The following CSNK2A2 variants were observed in gnomAD, a reference collection of about 807,000 sequenced individuals.
The protein encoded by CSNK2A2 is casein kinase II subunit alpha'.
A neutral mutation model predicts 54.0 loss-of-function variants in CSNK2A2; 8 were observed. The observed-to-expected ratio is 0.15, with a 90% CI of 0.09 to 0.27. The LOEUF is 0.27. Ranked by LOEUF, CSNK2A2 falls within the 10% of genes least tolerant of loss-of-function variation. The pLI, the probability that CSNK2A2 is intolerant of heterozygous loss-of-function variation, is 1.00. For missense variants in CSNK2A2, 242 were observed against 439.4 expected (o/e 0.55, Z 4.02); for synonymous variants, 141 against 153.9 (o/e 0.92, Z 0.62).
chr16:58,187,398 C>T (rs1597123044), intron 2 of CSNK2A2, among the ~76,000 whole-genome samples: 1 of 152,204 alleles, frequency 6.6e-6, no homozygotes, highest in East Asian at 1.9e-4. Flanking sequence ...CTGAAATCAG[C>T]ACAGAGCCAG....
chr16:58,172,091 G>T (rs1961762197), intron 5 of CSNK2A2, among the ~76,000 whole-genome samples: 1 of 148,340 alleles, frequency 6.7e-6, no homozygotes. Context: ...CGAAGCATTG[G>T]GATTTATAGG....
chr16:58,185,225 A>G (rs1425182327), intron 3 of CSNK2A2, among the ~76,000 whole-genome samples: 2 of 152,174 alleles, frequency 1.3e-5, no homozygotes, highest in Non-Finnish European at 2.9e-5. Flanking sequence ...GCCACAGGGC[A>G]GCATGCAGAT....
chr16:58,195,372 T>C (rs919621762), intron 2 of CSNK2A2, among the ~76,000 whole-genome samples: 3 of 152,204 alleles, frequency 2.0e-5, no homozygotes, highest in South Asian at 2.1e-4. Context: ...TTTTGAGTGA[T>C]GGAGTTAATC....
At chr16:58,161,987 T>C (rs1020537742) in intron 11 of CSNK2A2, 1 of 152,168 alleles carries the variant, frequency 6.6e-6, no homozygotes, top group Admixed American at 6.5e-5. Flanking sequence ...CAGGTACTTT[T>C]ATTACCTTTG....
intron 7 of CSNK2A2, 68 bp from the exon 8 acceptor site, chr16:58,167,376 T>C: frequency 3.9e-6 from 5 of 1,289,212 alleles, no homozygotes; most frequent in South Asian, 2.8e-5. Context: ...TAAATTTCTT[T>C]TTTAGACGAG....
chr16:58,169,095 T>G (rs148480106), intron 5 of CSNK2A2, among the ~76,000 whole-genome samples: 1 of 140,622 alleles, frequency 7.1e-6, no homozygotes, highest in South Asian at 2.1e-4. Flanking sequence ...CCCAGCTAAT[T>G]TTCTGTATTT....
At position 58,164,112 on chromosome 16, in the gene CSNK2A2, C is replaced by T; in HGVS notation, c.1012G>A (p.Asp338Asn). The T allele has an allele frequency of 6.2e-7, 1 of 1,614,010 alleles. No individual in the cohort carries two copies. ...AGACCACTGGAAAGCACAGCATTGT[C>T]TGCACAAGGCTGGGACTGCTCCTTC... is the stretch of plus-strand genomic sequence containing the variant. ...VVKEQSQPCA[D>N]NAVLSSGLTA... Residue 338 changes from aspartate (D) to asparagine (N), a missense_variant, in exon 11 of 12, where the codon GAC (aspartate) becomes AAC (asparagine). By Grantham distance (23) the Asp-to-Asn change is conservative. Around this residue, in one of 5 missense-constraint regions of CSNK2A2, gnomAD observed 81 missense variants for 135.0 expected, o/e 0.60. Transcript: ENST00000262506.
At chr16:58,163,927 T>G in intron 11 of CSNK2A2, 127 bp downstream of exon 11, 1 of 722,080 alleles carries the variant, frequency 1.4e-6, no homozygotes, top group Non-Finnish European at 2.2e-6. Context: ...TTGACAGACT[T>G]TTAGGTCTTT....
intron 2 of CSNK2A2, among the ~76,000 whole-genome samples, chr16:58,194,295 T>G (rs1269106606): frequency 6.6e-6 from 1 of 152,236 alleles, no homozygotes; most frequent in Non-Finnish European, 1.5e-5. Flanking sequence ...AGTCATAACT[T>G]CAACTTATTT....
intron 4 of CSNK2A2, among the ~76,000 whole-genome samples, chr16:58,177,293 T>C (rs1961907994): frequency 6.6e-6 from 1 of 152,202 alleles, no homozygotes; most frequent in Admixed American, 6.5e-5. Context: ...CTACACTTTC[T>C]CTCCCTTCTT....
rs71385152 is a variant in CSNK2A2, at chr16:58,180,078, CAAAAAAA to C, written c.369+4175_369+4181del. Among the ~76,000 whole-genome samples, 70 of 91,022 alleles carry C rather than the reference CAAAAAAA, an allele frequency of 7.7e-4. No homozygotes were observed. In the East Asian group the frequency reaches 0.014, roughly 19 times the overall value. 59.7% of individuals were successfully genotyped at this position (91,022 alleles called of 152,430 possible). A position where few individuals can be genotyped will look rare whatever the true frequency, so the allele number is the denominator to read the frequency against. ...TGGGCAACAGAGCGAGACTCCTTCTCAAAAAAAAAAAAAAAAAGAAAAAGAGAAACAG... is the reference window on the plus strand; with the variant it reads ...TGGGCAACAGAGCGAGACTCCTTCTCAAAAAAAAAAGAAAAAGAGAAACAG... On this transcript the variant is annotated intron_variant, in intron 4 of 11. Coordinates refer to ENST00000262506, the MANE Select transcript of CSNK2A2 (RefSeq NM_001896.4).
intron 7 of CSNK2A2, 64 bp downstream of exon 7, chr16:58,167,621 C>T (rs376708158): frequency 4.8e-6 from 6 of 1,258,374 alleles, no homozygotes; most frequent in Middle Eastern, 1.9e-4. Flanking sequence ...ACTAGATCAA[C>T]AGCAAACCAG....
chr16:58,172,400 C>T (rs1202231047), intron 5 of CSNK2A2, among the ~76,000 whole-genome samples: 2 of 152,172 alleles, frequency 1.3e-5, no homozygotes, highest in Non-Finnish European at 2.9e-5. Context: ...GAATCTGAAT[C>T]AGGAGATCAG....
chr16:58,184,827 G>A (rs1259135074), intron 3 of CSNK2A2, among the ~76,000 whole-genome samples: 1 of 152,112 alleles, frequency 6.6e-6, no homozygotes, highest in East Asian at 1.9e-4. Context: ...TTGTGGGAAT[G>A]TATCATAGGT....
chr16:58,171,356 C>G (rs1168920437), intron 5 of CSNK2A2, among the ~76,000 whole-genome samples: 1 of 151,972 alleles, frequency 6.6e-6, no homozygotes, highest in African/African-American at 2.4e-5. Context: ...AACCCCGTTT[C>G]TACTAAAAAT....
At chr16:58,185,319 G>C (rs1419591775) in intron 3 of CSNK2A2, among the ~76,000 whole-genome samples, 1 of 152,146 alleles carries the variant, frequency 6.6e-6, no homozygotes, top group Non-Finnish European at 1.5e-5. Flanking sequence ...AAGCTGTAAG[G>C]GTTTCATCAG....
intron 10 of CSNK2A2, 89 bp downstream of exon 10, chr16:58,165,471 G>C: frequency 7.4e-7 from 1 of 1,352,604 alleles, no homozygotes; most frequent in African/African-American, 1.5e-5. Flanking sequence ...AAATACCCTA[G>C]AATTCTCCTG....
chr16:58,162,979 A>G (rs1201619002), intron 11 of CSNK2A2: 2 of 152,186 alleles, frequency 1.3e-5, no homozygotes, highest in African/African-American at 2.4e-5. Context: ...AATGTATCAC[A>G]TATCAGAACT....
chr16:58,166,016 C>A (rs1961551565), intron 9 of CSNK2A2, among the ~76,000 whole-genome samples: 1 of 152,110 alleles, frequency 6.6e-6, no homozygotes, highest in Non-Finnish European at 1.5e-5. Flanking sequence ...GAAGAGTGGG[C>A]AATTTTTATT....
Sources: gnomAD v4.1 joint callset for allele counts (sites outside exome capture counted in the v4.1 genomes callset) on GRCh38, gnomAD v4.1.1 for gene constraint, gnomAD v4.1.1 regional missense constraint, MANE v1.5 for transcripts, NCBI Gene and HGNC (gene_info 2026-07-23, HGNC 2026-07-21) for gene names.